The following METTL15 variants were observed in gnomAD, a reference collection of about 807,000 sequenced individuals.
METTL15 encodes the protein methyltransferase 15, mitochondrial 12S rRNA N4-cytidine, also known as 12S rRNA N(4)-cytidine methyltransferase METTL15.
A neutral mutation model predicts 38.3 loss-of-function variants in METTL15; 34 were observed. The observed-to-expected ratio is 0.89, with a 90% CI of 0.68 to 1.18. The LOEUF is 1.18. Among genes scored for constraint, METTL15 ranks in the 50% most tolerant of loss-of-function variants. The probability of loss-of-function intolerance (pLI) is 0.00; values close to 1 mark genes in which losing one functional copy is unlikely to be tolerated. For synonymous variants in METTL15, 162 were observed against 170.9 expected, an observed-to-expected ratio of 0.95 and a Z score of 0.41; for missense variants, 438 against 498.4, an observed-to-expected ratio of 0.88 and a Z score of 1.15.
At chr11:28,264,093 G>C (rs888630297) in intron 4 of METTL15, among the ~76,000 whole-genome samples, 12 of 152,200 alleles carry the variant, frequency 7.9e-5, no homozygotes, top group African/African-American at 2.6e-4. Flanking sequence ...CACACAGCTT[G>C]TTGATTCTCT....
intron 3 of METTL15, among the ~76,000 whole-genome samples, chr11:28,345,751 C>T (rs1157432272): frequency 6.6e-6 from 1 of 152,144 alleles, no homozygotes; most frequent in Non-Finnish European, 1.5e-5. Flanking sequence ...TTTGTACCTA[C>T]ATCCAAAATC....
At chr11:28,476,035 A>G (rs183281115) in intron 6 of METTL15, among the ~76,000 whole-genome samples, 2 of 152,212 alleles carry the variant, frequency 1.3e-5, no homozygotes, top group African/African-American at 2.4e-5. Flanking sequence ...TGATACCTTC[A>G]TCTGACTTCT....
intron 4 of METTL15, among the ~76,000 whole-genome samples, chr11:28,267,931 C>G (rs1855490446): frequency 6.6e-6 from 1 of 152,134 alleles, no homozygotes; most frequent in Non-Finnish European, 1.5e-5. Context: ...GGCGCGGTGG[C>G]TCACGCCTGT....
At chr11:28,170,784 A>G (rs944182770) in intron 3 of METTL15, among the ~76,000 whole-genome samples, 9 of 152,080 alleles carry the variant, frequency 5.9e-5, no homozygotes, top group African/African-American at 1.7e-4. Flanking sequence ...TTTCATCGCT[A>G]TCTTGGTTTT....
intron 6 of METTL15, among the ~76,000 whole-genome samples, chr11:28,523,024 C>T (rs150002423): frequency 2.6e-5 from 4 of 152,260 alleles, no homozygotes; most frequent in East Asian, 1.9e-4. Flanking sequence ...ACAATGGATG[C>T]GGTTCTTGCC....
At position 28,113,487 on chromosome 11, in the gene METTL15, A is replaced by G. The variant is rs1175455987; in HGVS notation, c.153A>G (p.Gln51=). The G allele has an allele frequency of 2.5e-6, 4 of 1,612,898 alleles. No homozygotes were observed. Among genetic ancestry groups the G allele is most frequent in the East Asian group, 2.2e-5 (1 of 44,862 alleles). The change falls in exon 3 of 7, where the codon CAA becomes CAG. Residue 51 remains glutamine, a synonymous_variant. Transcript: ENST00000407364. Reference sequence around the variant, plus strand: ...ATGAAGCCCGGGAGCAAACAGATCAAACTCAAGCCCAGGAGTTACACAGAT... The same window carrying G: ...ATGAAGCCCGGGAGCAAACAGATCAGACTCAAGCCCAGGAGTTACACAGAT... ...REYEAREQTD[Q]TQAQELHRSQ...
At chr11:28,166,379 G>A (rs1010691310) in intron 3 of METTL15, among the ~76,000 whole-genome samples, 3 of 152,116 alleles carry the variant, frequency 2.0e-5, no homozygotes, top group Non-Finnish European at 2.9e-5. Context: ...GTGAATTTAT[G>A]GTTTCATTTG....
intron 3 of METTL15, among the ~76,000 whole-genome samples, chr11:28,140,996 A>G (rs534792880): frequency 2.6e-5 from 4 of 152,136 alleles, no homozygotes; most frequent in Admixed American, 2.0e-4. Context: ...TTATAGCCAA[A>G]TAGGTTCTTC....
intron 4 of METTL15, among the ~76,000 whole-genome samples, chr11:28,230,426 AATCC>A (rs1853640892): frequency 6.6e-6 from 1 of 151,972 alleles, no homozygotes; most frequent in Non-Finnish European, 1.5e-5. Context: ...AACTTGAGAT[AATCC>A]ATTTTTATTG....
intron 6 of METTL15, among the ~76,000 whole-genome samples, chr11:28,439,249 C>T (rs1052151101): frequency 8.5e-5 from 13 of 152,178 alleles, no homozygotes; most frequent in African/African-American, 2.9e-4. Flanking sequence ...AATTTTGTTA[C>T]GGCTACTCCT....
At chr11:28,238,577 G>A (rs1392748481) in intron 4 of METTL15, among the ~76,000 whole-genome samples, 5 of 152,152 alleles carry the variant, frequency 3.3e-5, no homozygotes, top group East Asian at 1.9e-4. Context: ...GCAGTGCCTC[G>A]CCCTGCTTTG....
At chr11:28,469,556 G>A (rs1335362262) in intron 6 of METTL15, among the ~76,000 whole-genome samples, 1 of 152,132 alleles carries the variant, frequency 6.6e-6, no homozygotes, top group East Asian at 1.9e-4. Context: ...AATACTGGTT[G>A]TGTGCCCTTG....
At chr11:28,122,295 G>A (rs1440664434) in intron 3 of METTL15, 2 of 623,952 alleles carry the variant, frequency 3.2e-6, no homozygotes, top group Non-Finnish European at 4.6e-6. Context: ...TAGTTTTCTT[G>A]GTTATCTCTT....
At chr11:28,253,404 C>T (rs1200518983) in intron 4 of METTL15, among the ~76,000 whole-genome samples, 1 of 152,048 alleles carries the variant, frequency 6.6e-6, no homozygotes, top group Non-Finnish European at 1.5e-5. Flanking sequence ...ATAAGTACAT[C>T]GTGGAGAATG....
intron 6 of METTL15, among the ~76,000 whole-genome samples, chr11:28,302,369 C>G (rs779452483): frequency 6.6e-6 from 1 of 152,030 alleles, no homozygotes; most frequent in African/African-American, 2.4e-5. Context: ...AGCAAATGTC[C>G]TCTTAAATGG....
At chr11:28,307,651 G>A (rs956420865) in intron 6 of METTL15, among the ~76,000 whole-genome samples, 1 of 151,850 alleles carries the variant, frequency 6.6e-6, no homozygotes, top group Non-Finnish European at 1.5e-5. Flanking sequence ...TGTAATTTCA[G>A]TTTTCTCATT....
intron 6 of METTL15, among the ~76,000 whole-genome samples, chr11:28,310,725 C>T (rs1857246026): frequency 6.6e-6 from 1 of 152,034 alleles, no homozygotes; most frequent in African/African-American, 2.4e-5. Context: ...TGATTTTATT[C>T]TACATTCTGG....
At chr11:28,431,218 G>C (rs1319465200) in intron 6 of METTL15, among the ~76,000 whole-genome samples, 1 of 137,640 alleles carries the variant, frequency 7.3e-6, no homozygotes, top group African/African-American at 2.5e-5. Flanking sequence ...GCCTCTGCCC[G>C]GCCGCCCCTA....
intron 5 of METTL15, among the ~76,000 whole-genome samples, chr11:28,373,339 T>A (rs1275894762): frequency 5.3e-5 from 8 of 152,082 alleles, no homozygotes; most frequent in African/African-American, 1.4e-4. Context: ...GGTATCTCAT[T>A]GTGGTTTTGA....
Sources: gnomAD v4.1 joint callset for allele counts (sites outside exome capture counted in the v4.1 genomes callset) on GRCh38, gnomAD v4.1.1 for gene constraint, MANE v1.5 for transcripts, NCBI Gene and HGNC (gene_info 2026-07-23, HGNC 2026-07-21) for gene names.